PLEKHA5: variants seen among roughly 807,000 people sequenced by gnomAD.
PLEKHA5 encodes the protein pleckstrin homology domain-containing family A member 5.
Under a neutral mutation model 181.9 loss-of-function variants are expected in PLEKHA5, and 55 were observed. The observed-to-expected ratio is 0.30, with a 90% CI of 0.24 to 0.38. The LOEUF (loss-of-function observed/expected upper bound fraction) is 0.38. Ranked by LOEUF, PLEKHA5 falls within the 10% of genes least tolerant of loss-of-function variation. The pLI, the probability that PLEKHA5 is intolerant of heterozygous loss-of-function variation, is 1.00. For synonymous variants in PLEKHA5, 535 were observed against 529.4 expected, an observed-to-expected ratio of 1.01 and a Z score of -0.15; for missense variants, 1,432 against 1,549.5, an observed-to-expected ratio of 0.92 and a Z score of 1.27.
chr12:19,373,467 C>T (rs1338641536), intron 31 of PLEKHA5: 1 of 151,948 alleles, frequency 6.6e-6, no homozygotes, highest in African/African-American at 2.4e-5. Context: ...TCACCTGGCT[C>T]CTGACCAGCG....
intron 26 of PLEKHA5, among the ~76,000 whole-genome samples, chr12:19,355,555 C>G (rs1861138949): frequency 6.6e-6 from 1 of 151,594 alleles, no homozygotes; most frequent in Non-Finnish European, 1.5e-5. Flanking sequence ...GACGGGGTCT[C>G]TCTCTGTTGC....
intron 3 of PLEKHA5, chr12:19,200,898 G>A (rs1240851624): frequency 6.5e-6 from 1 of 153,270 alleles, no homozygotes; most frequent in Non-Finnish European, 1.4e-5. Context: ...AAAACAAAAA[G>A]TATAAAACTT....
rs545903766 is a variant in PLEKHA5, at chr12:19,204,808, G to A, written c.228-49132G>A. Among the ~76,000 whole-genome samples, 45 of 152,128 alleles carry A rather than the reference G, an allele frequency of 3.0e-4. 1 individual carries two copies. The South Asian group carries it at 9.3e-3, about 32-fold the overall frequency. Reference sequence around the variant, plus strand: ...TTAGTCTTTATTAATATTTCCAAAGGAGAAGTTAAAATACCACTGCATAGT... The same window carrying A: ...TTAGTCTTTATTAATATTTCCAAAGAAGAAGTTAAAATACCACTGCATAGT... On this transcript the variant is annotated intron_variant, in intron 3 of 31. Transcript: ENST00000429027.
At chr12:19,303,992 GA>G (rs1195436345) in intron 15 of PLEKHA5, among the ~76,000 whole-genome samples, 12 of 148,390 alleles carry the variant, frequency 8.1e-5, no homozygotes, top group Non-Finnish European at 1.3e-4. Flanking sequence ...ATTTTTTGTA[GA>G]GGGGGGGGTT....
chr12:19,357,033 A>ATCTT (rs59591423), intron 26 of PLEKHA5, among the ~76,000 whole-genome samples: 1 of 151,668 alleles, frequency 6.6e-6, no homozygotes, highest in Non-Finnish European at 1.5e-5. Flanking sequence ...GAAAGAAAAT[A>ATCTT]GAGGTGTTTG....
chr12:19,197,440 A>T (rs2053088570), intron 3 of PLEKHA5, among the ~76,000 whole-genome samples: 1 of 151,982 alleles, frequency 6.6e-6, no homozygotes, highest in Non-Finnish European at 1.5e-5. Context: ...CTTTTGAATG[A>T]TGCTTATCCT....
intron 20 of PLEKHA5, among the ~76,000 whole-genome samples, chr12:19,331,769 T>C (rs545103872): frequency 1.2e-4 from 18 of 152,260 alleles, no homozygotes; most frequent in African/African-American, 4.3e-4. Flanking sequence ...CTATGTGTAA[T>C]CCCAGCACTT....
At chr12:19,314,010 A>C (rs1372643509) in intron 15 of PLEKHA5, among the ~76,000 whole-genome samples, 2 of 152,154 alleles carry the variant, frequency 1.3e-5, no homozygotes, top group Non-Finnish European at 2.9e-5. Context: ...TACCATTATA[A>C]ACAGACCTGT....
intron 15 of PLEKHA5, among the ~76,000 whole-genome samples, chr12:19,310,343 C>T (rs2086002355): frequency 6.6e-6 from 1 of 152,098 alleles, no homozygotes. Context: ...GAAGGCCAGG[C>T]TCATGCCTGT....
chr12:19,372,376 C>T (rs1734212410), intron 31 of PLEKHA5: 4 of 147,842 alleles, frequency 2.7e-5, no homozygotes. Context: ...CATTTGCCCA[C>T]TTTTTGATGG....
intron 16 of PLEKHA5, among the ~76,000 whole-genome samples, chr12:19,316,386 T>C (rs12817672): frequency 0.097 from 14,669 of 151,932 alleles, 782 homozygotes; most frequent in Middle Eastern, 0.17. Flanking sequence ...AAGTTCTAAT[T>C]GGGGTTTTCC....
At chr12:19,270,099 T>C in intron 9 of PLEKHA5, 89 bp from the exon 10 acceptor site, 1 of 805,456 alleles carries the variant, frequency 1.2e-6, no homozygotes, top group Non-Finnish European at 1.9e-6. Flanking sequence ...ACTTTTCTTC[T>C]TTTTCTTCTT....
intron 3 of PLEKHA5, among the ~76,000 whole-genome samples, chr12:19,188,549 T>C (rs4335598): frequency 0.89 from 135,260 of 152,174 alleles, 60,931 homozygotes; most frequent in Non-Finnish European, 0.97. Context: ...AAATGATGTT[T>C]CTGGTTCTGA....
At chr12:19,353,513 G>A (rs975563481) in intron 25 of PLEKHA5, among the ~76,000 whole-genome samples, 4 of 150,508 alleles carry the variant, frequency 2.7e-5, no homozygotes, top group African/African-American at 9.8e-5. Context: ...CCACGCTGGT[G>A]CAATGGTGCG....
At chr12:19,306,337 G>T in intron 15 of PLEKHA5, 1 of 423,884 alleles carries the variant, frequency 2.4e-6, no homozygotes, top group South Asian at 1.9e-5. Context: ...GGTGGGGGTG[G>T]CCGTTTGTTT....
intron 3 of PLEKHA5, among the ~76,000 whole-genome samples, chr12:19,235,177 A>G (rs375109874): frequency 4.6e-5 from 7 of 152,276 alleles, no homozygotes; most frequent in South Asian, 4.1e-4. Flanking sequence ...TTGCTTATCT[A>G]TATTTCAAAT....
intron 3 of PLEKHA5, 139 bp downstream of exon 3, chr12:19,132,589 A>G (rs1025767985): frequency 5.3e-6 from 3 of 564,722 alleles, no homozygotes; most frequent in East Asian, 6.9e-5. Flanking sequence ...TTTATTTTGT[A>G]TAGTGTCAGA....
intron 10 of PLEKHA5, among the ~76,000 whole-genome samples, chr12:19,274,149 G>A (rs111624711): frequency 3.0e-4 from 45 of 152,224 alleles, no homozygotes; most frequent in Non-Finnish European, 4.9e-4. Flanking sequence ...AACCTTGGCT[G>A]GGAGCCATGT....
At chr12:19,278,779 A>G (rs961064586) in intron 11 of PLEKHA5, among the ~76,000 whole-genome samples, 5 of 152,158 alleles carry the variant, frequency 3.3e-5, no homozygotes, top group African/African-American at 1.2e-4. Flanking sequence ...TACTGGTTAT[A>G]TAAGAGCAAT....
Sources: gnomAD v4.1 joint callset for allele counts (sites outside exome capture counted in the v4.1 genomes callset) on GRCh38, gnomAD v4.1.1 for gene constraint, MANE v1.5 for transcripts, NCBI Gene and HGNC (gene_info 2026-07-23, HGNC 2026-07-21) for gene names.